DMD: variants seen among roughly 807,000 people sequenced by gnomAD.
The protein encoded by DMD is mutant dystrophin.
Under a neutral mutation model 330.1 loss-of-function variants are expected in DMD, and 63 were observed. That is an observed-to-expected ratio of 0.19 (90% CI 0.16 to 0.24). DMD has a LOEUF of 0.24. Among genes scored for constraint, DMD ranks in the 10% least tolerant of loss-of-function variants. The pLI is 1.00. For missense variants in DMD, 3,344 were observed against 2,684.1 expected (o/e 1.25, Z -5.43); for synonymous variants, 1,223 against 959.8 (o/e 1.27, Z -5.07).
chrX:32,529,360 C>CCA (rs895840641), intron 17 of DMD, among the ~76,000 whole-genome samples: 3 of 100,136 alleles, frequency 3.0e-5, no homozygotes, highest in African/African-American at 1.1e-4. Context: ...CGCGCGAATT[C>CCA]CACCTTGGCA....
chrX:32,583,399 T>A (rs1485709463), intron 13 of DMD, among the ~76,000 whole-genome samples: 5 of 111,497 alleles, frequency 4.5e-5, no homozygotes, highest in Admixed American at 9.5e-5. Context: ...TTCAGGAGGT[T>A]GAGGCAGGAG....
intron 7 of DMD, among the ~76,000 whole-genome samples, chrX:32,720,480 G>GC (rs1225438185): frequency 8.9e-6 from 1 of 111,820 alleles, no homozygotes; most frequent in Admixed American, 9.5e-5. Flanking sequence ...CACATTGTTT[G>GC]CCCCCATGGG....
At chrX:32,590,543 A>T (rs981040059) in intron 13 of DMD, among the ~76,000 whole-genome samples, 7 of 111,641 alleles carry the variant, frequency 6.3e-5, no homozygotes, top group Non-Finnish European at 3.8e-5. Context: ...GCTGCCAGTT[A>T]GACTAGAACA....
chrX:33,110,099 A>G (rs746178430), intron 1 of DMD, among the ~76,000 whole-genome samples: 17 of 111,452 alleles, frequency 1.5e-4, no homozygotes, highest in African/African-American at 4.9e-4. Context: ...CCTCTCTCAC[A>G]TGTTACCACT....
intron 44 of DMD, chrX:32,155,473 G>C (rs2096826045): frequency 2.5e-5 from 19 of 747,791 alleles, no homozygotes; most frequent in Non-Finnish European, 2.8e-5. Flanking sequence ...CTAGTGTGAA[G>C]AGAAAGAGCT....
intron 60 of DMD, among the ~76,000 whole-genome samples, chrX:31,393,492 C>CAAAAAAAAAAAAAAAAAAA (rs1308905111): frequency 1.4e-5 from 1 of 72,428 alleles, no homozygotes. Flanking sequence ...AAAAAAAAAA[C>CAAAAAAAAAAAAAAAAAAA]AAAAAAAAAA....
chrX:33,295,589 T>C (rs373598434), intron 1 of DMD, among the ~76,000 whole-genome samples: 3 of 111,478 alleles, frequency 2.7e-5, no homozygotes, highest in East Asian at 5.6e-4. Context: ...GAGTAAAAAC[T>C]GAAAATTCGT....
At chrX:32,621,493 T>C (rs1003796554) in intron 11 of DMD, among the ~76,000 whole-genome samples, 1 of 110,510 alleles carries the variant, frequency 9.0e-6, no homozygotes, top group Admixed American at 9.7e-5. Context: ...TTCTTTTTTT[T>C]TTTTTCTCTT....
intron 17 of DMD, among the ~76,000 whole-genome samples, chrX:32,535,610 G>C (rs1004944142): frequency 9.0e-6 from 1 of 111,647 alleles, no homozygotes; most frequent in African/African-American, 3.3e-5. Context: ...TGTTTCTCCA[G>C]CTCTAGGGAT....
At chrX:33,191,181 C>A (rs995661377) in intron 1 of DMD, among the ~76,000 whole-genome samples, 6 of 102,559 alleles carry the variant, frequency 5.9e-5, no homozygotes, top group Admixed American at 5.7e-4. Context: ...ATTCCTAATG[C>A]CCTAAGGCTC....
intron 1 of DMD, 48 bp from the exon 2 acceptor site, chrX:33,020,248 T>TG: frequency 3.3e-6 from 3 of 914,608 alleles, no homozygotes; most frequent in Non-Finnish European, 4.7e-6. Context: ...ACTTTAAATA[T>TG]AATTCATATT....
intron 60 of DMD, among the ~76,000 whole-genome samples, chrX:31,365,324 C>T (rs1266133578): frequency 9.0e-6 from 1 of 111,145 alleles, no homozygotes; most frequent in Non-Finnish European, 1.9e-5. Context: ...ATTTTGTGTG[C>T]AGCATTTAAG....
intron 2 of DMD, among the ~76,000 whole-genome samples, chrX:32,972,788 TA>T (rs1396746802): frequency 1.5e-4 from 17 of 112,127 alleles, no homozygotes; most frequent in African/African-American, 5.2e-4. Flanking sequence ...TAATGGTGTC[TA>T]ATTCATAGGA....
At chrX:31,153,727 C>T (rs1206833385) in intron 74 of DMD, among the ~76,000 whole-genome samples, 1 of 111,633 alleles carries the variant, frequency 9.0e-6, no homozygotes, top group African/African-American at 3.3e-5. Flanking sequence ...TTAAATGAGT[C>T]GAACAAGTGC....
upstream of DMD, among the ~76,000 whole-genome samples, chrX:33,213,459 G>A (rs1278692951): frequency 9.0e-6 from 1 of 111,345 alleles, no homozygotes. Context: ...AATTTAGACC[G>A]AACAAATTGA....
At chrX:32,544,780 C>T (rs2048811695) in intron 17 of DMD, among the ~76,000 whole-genome samples, 1 of 108,208 alleles carries the variant, frequency 9.2e-6, no homozygotes, top group South Asian at 4.1e-4. Flanking sequence ...ATGCACTTTC[C>T]GTTACTGGAA....
chrX:32,850,548 A>G (rs975825902), intron 2 of DMD, among the ~76,000 whole-genome samples: 1 of 112,015 alleles, frequency 8.9e-6, no homozygotes, highest in Admixed American at 9.5e-5. Flanking sequence ...TTAACCTCTA[A>G]GTATCTCATG....
chrX:32,645,048 A>G lies in DMD; in HGVS notation c.1065T>C (p.Leu355=). Residue 355 remains leucine (L), a synonymous_variant, in exon 10 of 79, where the codon CTT becomes CTC. Coordinates refer to ENST00000357033, the MANE Select transcript of DMD (RefSeq NM_004006.3). The part of the protein sequence containing the change: ...QTALEEVLSW[L]LSAEDTLQAQ... ...CTTGCAATGTGTCCTCAGCAGAAAG[A>G]AGCCACGATAATACTTCTTCTAAAG... 8.3e-7 allele frequency: 1 copy of G among 1,211,750 alleles called. No homozygotes were observed. The highest frequency in any genetic ancestry group is 3.0e-5 in the East Asian group (1 of 33,836).
chrX:31,787,849 G>A (rs1040047025), intron 50 of DMD, among the ~76,000 whole-genome samples: 2 of 111,800 alleles, frequency 1.8e-5, no homozygotes, highest in African/African-American at 6.5e-5. Context: ...GCCCAGAAGT[G>A]CGACAACTAC....
Sources: gnomAD v4.1 joint callset for allele counts (sites outside exome capture counted in the v4.1 genomes callset) on GRCh38, gnomAD v4.1.1 for gene constraint, MANE v1.5 for transcripts, NCBI Gene and HGNC (gene_info 2026-07-23, HGNC 2026-07-21) for gene names.